Variants in PCDHA4 observed in about 807,000 individuals in gnomAD.
PCDHA4 encodes protocadherin alpha-4.
A neutral mutation model predicts 61.4 loss-of-function variants in PCDHA4; 49 were observed. That is an observed-to-expected ratio of 0.80 (90% CI 0.63 to 1.01). The LOEUF (loss-of-function observed/expected upper bound fraction) is 1.01. Ranked by LOEUF, PCDHA4 falls within the 50% of genes least tolerant of loss-of-function variation. The probability of loss-of-function intolerance (pLI) is 0.00; values close to 1 mark genes in which losing one functional copy is unlikely to be tolerated. For synonymous variants in PCDHA4, 590 were observed against 550.3 expected (o/e 1.07, Z -1.01); for missense variants, 1,254 against 1,235.8 (o/e 1.01, Z -0.22).
chr5:140,870,107 T>C, intron 1 of PCDHA4: 1 of 1,613,786 alleles, frequency 6.2e-7, no homozygotes, highest in Admixed American at 1.7e-5. Flanking sequence ...CACTGTACAG[T>C]CTGGGTGGAA....
intron 1 of PCDHA4, chr5:140,871,378 T>C: frequency 6.2e-7 from 1 of 1,614,188 alleles, no homozygotes; most frequent in South Asian, 1.1e-5. Context: ...GAGGGTGTGC[T>C]CTGAGGAGGG....
chr5:140,829,347 CG>C (rs2150166374), intron 1 of PCDHA4: 1 of 1,614,114 alleles, frequency 6.2e-7, no homozygotes, highest in Non-Finnish European at 8.5e-7. Context: ...GAGAGCGTGT[CG>C]GCCTATGAGT....
At chr5:140,900,422 C>G (rs1422913254) in intron 1 of PCDHA4, among the ~76,000 whole-genome samples, 1 of 152,142 alleles carries the variant, frequency 6.6e-6, no homozygotes, top group East Asian at 1.9e-4. Context: ...GGATTATAGG[C>G]ACGTGCCACC....
chr5:140,828,805 T>C, intron 1 of PCDHA4: 7 of 1,614,212 alleles, frequency 4.3e-6, no homozygotes, highest in Non-Finnish European at 5.9e-6. Context: ...TGAATGATAA[T>C]GCTCCCACTT....
chr5:140,921,631 T>C (rs1435281144), intron 1 of PCDHA4, among the ~76,000 whole-genome samples: 2 of 152,206 alleles, frequency 1.3e-5, no homozygotes, highest in Non-Finnish European at 2.9e-5. Flanking sequence ...ATCATCATTA[T>C]GGTAGCTATT....
intron 1 of PCDHA4, chr5:140,883,596 T>C: frequency 1.2e-6 from 2 of 1,613,794 alleles, no homozygotes; most frequent in East Asian, 4.5e-5. Context: ...AGCGTGTCGG[T>C]GGGGGTGGCC....
intron 1 of PCDHA4, among the ~76,000 whole-genome samples, chr5:140,839,987 G>A (rs187099249): frequency 6.6e-6 from 1 of 152,212 alleles, no homozygotes; most frequent in African/African-American, 2.4e-5. Context: ...TTGGAAAGTG[G>A]TTAGCCTTAG....
chr5:140,964,701 C>T (rs1228970267), intron 1 of PCDHA4, among the ~76,000 whole-genome samples: 2 of 151,776 alleles, frequency 1.3e-5, no homozygotes, highest in Non-Finnish European at 2.9e-5. Context: ...GAGATTAAGG[C>T]CTCCGAGATC....
intron 1 of PCDHA4, among the ~76,000 whole-genome samples, chr5:140,839,236 T>C (rs1562375380): frequency 6.6e-6 from 1 of 152,030 alleles, no homozygotes. Flanking sequence ...CTGTTTTTAT[T>C]GCTTTGCTTT....
intron 1 of PCDHA4, among the ~76,000 whole-genome samples, chr5:140,893,186 T>C (rs2063863300): frequency 6.6e-6 from 1 of 152,230 alleles, no homozygotes; most frequent in Admixed American, 6.5e-5. Context: ...GTAGCTATTG[T>C]GAATAGTGCT....
rs202010088 is a variant in PCDHA4 at position 140,869,201 on chromosome 5, A to G, written c.2385+59629A>G. On this transcript the variant is annotated intron_variant, in intron 1 of 3. Transcript: ENST00000530339. ...GAGGTGGGGAGCGGCCAGCTCCACTACTCCGTCTCGGAGGAGGCCAAACAC... is the reference window on the plus strand; with the variant it reads ...GAGGTGGGGAGCGGCCAGCTCCACTGCTCCGTCTCGGAGGAGGCCAAACAC... 1.3e-3 allele frequency: 2,112 copies of G among 1,612,868 alleles called. 36 individuals carry two copies. The highest frequency in any genetic ancestry group is 1.6e-3 in the Admixed American group (96 of 59,934).
At chr5:140,950,548 G>T (rs1363394631) in intron 1 of PCDHA4, among the ~76,000 whole-genome samples, 2 of 151,990 alleles carry the variant, frequency 1.3e-5, no homozygotes, top group African/African-American at 4.8e-5. Context: ...TTGCATGGCT[G>T]GGGGGACACT....
Position 140,822,323 on chromosome 5 carries a change from C to T in PCDHA4, c.2385+12751C>T, listed in dbSNP as rs2150115506. On this transcript the variant is annotated intron_variant, in intron 1 of 3. Transcript: ENST00000530339. ...GAATATTTTGACTTAGATGTTAAAACAAATGAAGAAGAAACGAACTTTTTA... is the reference window on the plus strand; with the variant it reads ...GAATATTTTGACTTAGATGTTAAAATAAATGAAGAAGAAACGAACTTTTTA... 2.5e-6 allele frequency: 4 copies of T among 1,613,964 alleles called. No individual in the cohort carries two copies. The African/African-American group carries it at 5.3e-5, about 22-fold the overall frequency.
At position 140,841,506 on chromosome 5, in the gene PCDHA4, G is replaced by C. The variant is rs2150316870; in HGVS notation, c.2385+31934G>C. ...CTGGAGCTGGCGGAGCTGGTGCCGC[G>C]CCTGTTCCGGGTGGCGTCCAAAAGA... On this transcript the variant is annotated intron_variant, in intron 1 of 3. Coordinates refer to ENST00000530339, the MANE Select transcript of PCDHA4 (RefSeq NM_018907.4). 4 of 1,613,388 alleles carry C rather than the reference G, an allele frequency of 2.5e-6. No homozygotes were observed. Among genetic ancestry groups the C allele is most frequent in the Admixed American group, 1.7e-5 (1 of 60,006 alleles).
At chr5:140,886,107 G>T (rs1340579685) in intron 1 of PCDHA4, among the ~76,000 whole-genome samples, 2 of 152,142 alleles carry the variant, frequency 1.3e-5, no homozygotes, top group Non-Finnish European at 2.9e-5. Flanking sequence ...ATACAGTAAA[G>T]AAGTAACATA....
At chr5:140,823,531 G>A (rs2150126678) in intron 1 of PCDHA4, 2 of 1,613,780 alleles carry the variant, frequency 1.2e-6, no homozygotes, top group South Asian at 2.2e-5. Flanking sequence ...GTCAGTGGGT[G>A]CGGGCCACGT....
At chr5:140,909,868 G>A (rs782144709) in intron 1 of PCDHA4, among the ~76,000 whole-genome samples, 9 of 152,136 alleles carry the variant, frequency 5.9e-5, no homozygotes, top group Non-Finnish European at 8.8e-5. Flanking sequence ...TGGAGTCAAC[G>A]TCAGCTTAGA....
At chr5:140,829,658 C>A in intron 1 of PCDHA4, 8 of 1,612,628 alleles carry the variant, frequency 5.0e-6, no homozygotes, top group Non-Finnish European at 6.8e-6. Flanking sequence ...GCTGCAGCCG[C>A]TGGACCACGA....
chr5:140,882,319 G>T, intron 1 of PCDHA4: 3 of 1,614,136 alleles, frequency 1.9e-6, no homozygotes, highest in Non-Finnish European at 2.5e-6. Flanking sequence ...TACTGCTCTG[G>T]CTTCTGATCC....
Sources: allele counts gnomAD v4.1 joint callset (sites outside exome capture counted in the v4.1 genomes callset), GRCh38; gene constraint gnomAD v4.1.1; transcripts MANE v1.5; gene names NCBI Gene and HGNC (gene_info 2026-07-23, HGNC 2026-07-21).